The following PPP1R12B variants were observed in gnomAD, a reference collection of about 807,000 sequenced individuals.
The protein encoded by PPP1R12B is myosin phosphatase target subunit 2.
A neutral mutation model predicts 126.1 loss-of-function variants in PPP1R12B; 76 were observed. The ratio of observed to expected loss-of-function variants is 0.60; its 90% CI spans 0.50 to 0.73. The LOEUF is 0.73. Among genes scored for constraint, PPP1R12B ranks in the 30% least tolerant of loss-of-function variants. The pLI is 0.00. For missense variants in PPP1R12B, 1,052 were observed against 1,205.1 expected (o/e 0.87, Z 1.88); for synonymous variants, 356 against 434.7 (o/e 0.82, Z 2.25).
rs374003326 is a variant in PPP1R12B at position 202,444,428 on chromosome 1, A to G, written c.1667+1856A>G. 3.9e-5 allele frequency among the ~76,000 whole-genome samples: 6 copies of G among 152,368 alleles called. No individual in the cohort carries two copies. The East Asian group carries it at 9.6e-4, about 24-fold the overall frequency. On this transcript the variant is annotated intron_variant, in intron 12 of 23. Coordinates refer to ENST00000608999, the MANE Select transcript of PPP1R12B (RefSeq NM_002481.4). ...ACAAGTTGCCCTTTATTGCTCATAC[A>G]GTATTACTTTCTAGACTTAAAACTA...
intron 10 of PPP1R12B, chr1:202,439,492 G>A (rs1384560483): frequency 6.6e-7 from 1 of 1,520,794 alleles, no homozygotes; most frequent in African/African-American, 1.4e-5. Context: ...TCCAGCCCAT[G>A]GAAGTGGCTG....
intron 5 of PPP1R12B, chr1:202,428,631 C>T (rs1217579577): frequency 6.2e-6 from 3 of 484,366 alleles, no homozygotes; most frequent in Non-Finnish European, 1.1e-5. Flanking sequence ...GTGATTTCTG[C>T]AGTACTGTTG....
chr1:202,576,340 T>G (rs1325847205), intron 23 of PPP1R12B: 1 of 152,250 alleles, frequency 6.6e-6, no homozygotes, highest in Non-Finnish European at 1.5e-5. Context: ...CTGAGATGAA[T>G]TTTTAATTGT....
intron 18 of PPP1R12B, among the ~76,000 whole-genome samples, chr1:202,499,587 C>A (rs1432618272): frequency 6.6e-6 from 1 of 152,206 alleles, no homozygotes; most frequent in Admixed American, 6.5e-5. Flanking sequence ...AGAAAGGAAG[C>A]TTCAACGGTT....
intron 7 of PPP1R12B, among the ~76,000 whole-genome samples, 177 bp from the exon 8 acceptor site, chr1:202,431,303 C>A (rs867942102): frequency 6.6e-6 from 1 of 152,122 alleles, no homozygotes; most frequent in Non-Finnish European, 1.5e-5. Context: ...CATACTCTGT[C>A]GTCAAATACT....
At chr1:202,480,017 A>G (rs1222954551) in intron 13 of PPP1R12B, among the ~76,000 whole-genome samples, 2 of 152,246 alleles carry the variant, frequency 1.3e-5, no homozygotes, top group African/African-American at 4.8e-5. Context: ...AAAAATTAGC[A>G]TACATACCAA....
At position 202,425,664 on chromosome 1, in the gene PPP1R12B, G is replaced by A. The variant is rs1381178667; in HGVS notation, c.640G>A (p.Ala214Thr). The change falls in exon 4 of 24, where the codon GCT becomes ACT. Residue 214 changes from alanine to threonine, a missense_variant. Transcript: ENST00000608999. Reference sequence around the variant, plus strand: ...TGGGAAAATAGAGGATGTGAGGCAGGCTCGCTCAGGGGCTACAGCCCTTCA... The same window carrying A: ...TGGGAAAATAGAGGATGTGAGGCAGACTCGCTCAGGGGCTACAGCCCTTCA... Reference protein sequence around the residue: ...NSGKIEDVRQARSGATALHVA... With the variant: ...NSGKIEDVRQTRSGATALHVA... 7 of 1,613,822 alleles carry A rather than the reference G, an allele frequency of 4.3e-6. No individual in the cohort carries two copies. The highest frequency in any genetic ancestry group is 5.9e-6 in the Non-Finnish European group (7 of 1,179,860).
intron 12 of PPP1R12B, among the ~76,000 whole-genome samples, chr1:202,446,254 A>ATTTTT (rs879273755): frequency 2.1e-3 from 99 of 47,162 alleles, no homozygotes; most frequent in African/African-American, 4.4e-3. Context: ...ATATATATAT[A>ATTTTT]TATTTTTTTT....
chr1:202,547,685 C>G (rs1019180480), intron 18 of PPP1R12B, among the ~76,000 whole-genome samples: 5 of 152,156 alleles, frequency 3.3e-5, no homozygotes, highest in African/African-American at 1.2e-4. Flanking sequence ...CCAAAATCAA[C>G]TTTACATGGT....
At chr1:202,525,507 A>G (rs996959972) in intron 18 of PPP1R12B, among the ~76,000 whole-genome samples, 9 of 151,906 alleles carry the variant, frequency 5.9e-5, no homozygotes, top group African/African-American at 9.7e-5. Flanking sequence ...CCTTGATAAG[A>G]GTGGTTTTGT....
chr1:202,533,229 A>G (rs1558341550), intron 18 of PPP1R12B, among the ~76,000 whole-genome samples: 1 of 151,868 alleles, frequency 6.6e-6, no homozygotes, highest in Non-Finnish European at 1.5e-5. Flanking sequence ...ACTATACCCA[A>G]TTTTTGTGTA....
At chr1:202,489,558 G>A (rs1678595659) in intron 14 of PPP1R12B, among the ~76,000 whole-genome samples, 1 of 152,180 alleles carries the variant, frequency 6.6e-6, no homozygotes, top group Non-Finnish European at 1.5e-5. Flanking sequence ...TTACAACATG[G>A]ATGAACCTTA....
chr1:202,379,328 A>G (rs1205094716), intron 1 of PPP1R12B, among the ~76,000 whole-genome samples: 3 of 152,228 alleles, frequency 2.0e-5, no homozygotes, highest in Non-Finnish European at 4.4e-5. Context: ...CATGTTAACA[A>G]TAGAGGCTGC....
chr1:202,376,948 T>A lies in PPP1R12B; in HGVS notation c.291+27806T>A, dbSNP rs144159654. On this transcript the variant is annotated intron_variant, in intron 1 of 23. Coordinates refer to ENST00000608999, the MANE Select transcript of PPP1R12B (RefSeq NM_002481.4). Reference sequence around the variant, plus strand: ...CCCAACACAAATTCATAAACTTTCTTAAAACATTATGAGATTTTTTTGGCT... The same window carrying A: ...CCCAACACAAATTCATAAACTTTCTAAAAACATTATGAGATTTTTTTGGCT... 2.1e-3 allele frequency among the ~76,000 whole-genome samples: 327 copies of A among 152,344 alleles called. 2 individuals carry two copies. Among genetic ancestry groups the A allele is most frequent in the African/African-American group, 7.1e-3 (294 of 41,576 alleles).
At chr1:202,399,261 C>A (rs1665448936) in intron 1 of PPP1R12B, among the ~76,000 whole-genome samples, 1 of 152,106 alleles carries the variant, frequency 6.6e-6, no homozygotes, top group Admixed American at 6.5e-5. Context: ...GCTCTGTCAC[C>A]TAGGGCTGCA....
intron 14 of PPP1R12B, among the ~76,000 whole-genome samples, chr1:202,491,213 C>A (rs1049858420): frequency 2.6e-5 from 4 of 151,850 alleles, no homozygotes; most frequent in African/African-American, 9.7e-5. Context: ...CAACTTCTGC[C>A]TCAGGGTTCA....
chr1:202,467,440 G>A (rs1481765187), intron 13 of PPP1R12B, among the ~76,000 whole-genome samples: 1 of 149,624 alleles, frequency 6.7e-6, no homozygotes, highest in Non-Finnish European at 1.5e-5. Context: ...TGTTCTCATT[G>A]TTCAATTCCC....
Position 202,580,669 on chromosome 1 carries a change from A to C in PPP1R12B, c.*109A>C. 1 of 894,328 alleles carries C rather than the reference A, an allele frequency of 1.1e-6. No individual in the cohort carries two copies. The highest frequency in any genetic ancestry group is 1.8e-6 in the Non-Finnish European group (1 of 549,452). The allele number at this position is 894,328 out of a possible 1,614,324, so 55.4% of individuals were successfully genotyped here. A position where few individuals can be genotyped will look rare whatever the true frequency, so the allele number is the denominator to read the frequency against. On this transcript the variant is annotated 3_prime_UTR_variant, in exon 24 of 24. Coordinates refer to ENST00000608999, the MANE Select transcript of PPP1R12B (RefSeq NM_002481.4). ...AAGAAATGGATGTTTTGGTGGAAGG[A>C]CACTTCTTTCTATCACCCTCTTCAG... is the stretch of plus-strand genomic sequence containing the variant.
chr1:202,424,025 C>T (rs1311949707), intron 3 of PPP1R12B, among the ~76,000 whole-genome samples: 1 of 152,158 alleles, frequency 6.6e-6, no homozygotes, highest in Non-Finnish European at 1.5e-5. Context: ...CTTAGCTTAA[C>T]CTCCAGCCTC....
Sources: allele counts gnomAD v4.1 joint callset (sites outside exome capture counted in the v4.1 genomes callset), GRCh38; gene constraint gnomAD v4.1.1; transcripts MANE v1.5; gene names NCBI Gene and HGNC (gene_info 2026-07-23, HGNC 2026-07-21).